The following HECTD4 variants were observed in gnomAD, a reference collection of about 807,000 sequenced individuals.
HECTD4 encodes the protein HECT domain E3 ubiquitin protein ligase 4.
HECTD4 carries 114 observed loss-of-function variants against 471.5 expected under a neutral mutation model. The observed-to-expected ratio is 0.24, with a 90% CI of 0.21 to 0.28. The LOEUF (loss-of-function observed/expected upper bound fraction) is 0.28. HECTD4 is among the 10% of genes least tolerant of loss of function. The pLI, the probability that HECTD4 is intolerant of heterozygous loss-of-function variation, is 1.00. For missense variants in HECTD4, 3,866 were observed against 5,651.5 expected (o/e 0.68, Z 10.13); for synonymous variants, 2,012 against 2,256.0 (o/e 0.89, Z 3.07).
chr12:112,323,919 A>C (rs1424360653), intron 1 of HECTD4, among the ~76,000 whole-genome samples: 1 of 150,752 alleles, frequency 6.6e-6, no homozygotes, highest in Non-Finnish European at 1.5e-5. Flanking sequence ...ATTAAAAATA[A>C]AAATTAGAGG....
At chr12:112,366,604 A>G (rs2036564969) in intron 1 of HECTD4, among the ~76,000 whole-genome samples, 1 of 151,912 alleles carries the variant, frequency 6.6e-6, no homozygotes, top group East Asian at 1.9e-4. Flanking sequence ...AAAAAAGAAG[A>G]AGAAAAAAAA....
At chr12:112,250,915 A>G (rs1425991243) in intron 24 of HECTD4, 56 bp downstream of exon 24, 6 of 1,503,402 alleles carry the variant, frequency 4.0e-6, no homozygotes, top group Non-Finnish European at 4.5e-6. Context: ...ATTTTTCCAC[A>G]TAAAGTCCTT....
intron 19 of HECTD4, chr12:112,258,830 T>C (rs1420828429): frequency 9.0e-6 from 5 of 556,700 alleles, no homozygotes; most frequent in Admixed American, 7.4e-5. Context: ...GGAGACAAAC[T>C]ATAATGGTAG....
In HECTD4 at chr12:112,283,129, T is replaced by A. The variant is rs2034678142; in HGVS notation, c.1509A>T (p.Thr503=). The stretch of plus-strand genomic sequence containing the variant: ...ACATACCTGCTTGATCCTCTTTCAG[T>A]GTGTTGGAGATGGTGGAACCAGTCA... ...AALTGSTISN[T]LKEDQAANTS... Residue 503 remains threonine (T), a synonymous_variant, in exon 8 of 76, where the codon ACA becomes ACT. Transcript: ENST00000682272. 6.2e-7 allele frequency: 1 copy of A among 1,612,610 alleles called. No homozygotes were observed. The highest frequency in any genetic ancestry group is 8.5e-7 in the Non-Finnish European group (1 of 1,179,394).
At position 112,266,409 on chromosome 12, in the gene HECTD4, T is replaced by A. The variant is rs572881417; in HGVS notation, c.2393-426A>T. Among the ~76,000 whole-genome samples the A allele has an allele frequency of 2.0e-5, 3 of 152,376 alleles. No individual in the cohort carries two copies. In the East Asian group the frequency reaches 5.8e-4, roughly 29 times the overall value. On this transcript the variant is annotated intron_variant, in intron 14 of 75. Transcript: ENST00000682272. ...CTAAGCAGTGGAGACAGAAAGTTTA[T>A]AAAGCTTGCAGATATATAAAACATG...
At position 112,228,618 on chromosome 12, in the gene HECTD4, T is replaced by C. The variant is rs755994417; in HGVS notation, c.6684+29A>G. ...ACAGTACAGTTACCATTGGCAGACA[T>C]TTTACAAAGCATTTAAAAATCACCT... On this transcript the variant is annotated intron_variant, in intron 42 of 75. Transcript: ENST00000682272. The surrounding 1 kb of genome is among the most constrained non-coding windows in gnomAD (Gnocchi z 4.9). The C allele has an allele frequency of 6.3e-7, 1 of 1,585,218 alleles. No homozygotes were observed. Among genetic ancestry groups the C allele is most frequent in the Non-Finnish European group, 8.6e-7 (1 of 1,167,102 alleles).
chr12:112,336,092 A>G (rs1436035502), intron 1 of HECTD4, among the ~76,000 whole-genome samples: 3 of 152,208 alleles, frequency 2.0e-5, no homozygotes, highest in Non-Finnish European at 4.4e-5. Context: ...ATAGTGAACA[A>G]AGAAAAAATA....
intron 1 of HECTD4, among the ~76,000 whole-genome samples, chr12:112,372,912 G>A (rs528340708): frequency 8.6e-5 from 13 of 151,768 alleles, no homozygotes; most frequent in Admixed American, 3.3e-4. Flanking sequence ...ATGCCACCAC[G>A]CCCAGCTAAT....
chr12:112,282,805 GTT>G (rs1476722121), intron 8 of HECTD4, among the ~76,000 whole-genome samples: 4 of 152,148 alleles, frequency 2.6e-5, no homozygotes, highest in Non-Finnish European at 5.9e-5. Flanking sequence ...TAAGTATCAG[GTT>G]TTCTCATTCA....
At chr12:112,355,286 TC>T (rs1566122241) in intron 1 of HECTD4, among the ~76,000 whole-genome samples, 1 of 15,810 alleles carries the variant, frequency 6.3e-5, no homozygotes, top group Non-Finnish European at 1.1e-4. Flanking sequence ...CAAATGGGAT[TC>T]AAAAAAAAAA....
In HECTD4 at chr12:112,279,315, C is replaced by A. The variant is rs779245658; in HGVS notation, c.1600G>T (p.Val534Leu). Residue 534 changes from valine to leucine, a missense_variant, in exon 9 of 76, where the codon GTG (valine) becomes TTG (leucine). Around this residue, in one of 16 missense-constraint regions of HECTD4, gnomAD observed 525 missense variants for 672.6 expected, o/e 0.78. Coordinates refer to ENST00000682272, the MANE Select transcript of HECTD4 (RefSeq NM_001388303.1). ...TPIYTCGTYL[V>L]MLVPPPGGSG... ...CCCCCTGGAGGAGGCACCAGCATCACCAAGTAGGTGCCACAGGTATATATG... is the reference window on the plus strand; with the variant it reads ...CCCCCTGGAGGAGGCACCAGCATCAACAAGTAGGTGCCACAGGTATATATG... 2 of 1,612,936 alleles carry A rather than the reference C, an allele frequency of 1.2e-6. No individual in the cohort carries two copies. The highest frequency in any genetic ancestry group is 1.3e-5 in the African/African-American group (1 of 74,904).
In HECTD4 at chr12:112,235,543, A is replaced by C. The variant is rs372661599; in HGVS notation, c.5686T>G (p.Ser1896Ala). ...DPSDPASKIA[S>A]LLLAKLADYV... Reference sequence around the variant, plus strand: ...TCTGCCAGCTTTGCTAAGAGCAGGGAGGCGATCTTGGAAGCTGGGTCGCTG... The same window carrying C: ...TCTGCCAGCTTTGCTAAGAGCAGGGCGGCGATCTTGGAAGCTGGGTCGCTG... Residue 1896 changes from serine (S) to alanine (A), a missense_variant, in exon 36 of 76, where the codon TCC becomes GCC. Coordinates refer to ENST00000682272, the MANE Select transcript of HECTD4 (RefSeq NM_001388303.1). The surrounding 1 kb of genome is among the most constrained non-coding windows in gnomAD (Gnocchi z 5.0). 1.9e-6 allele frequency: 3 copies of C among 1,613,576 alleles called. No individual in the cohort carries two copies. The African/African-American group carries it at 4.0e-5, about 22-fold the overall frequency.
At chr12:112,354,732 A>G (rs1305927743) in intron 1 of HECTD4, among the ~76,000 whole-genome samples, 2 of 152,098 alleles carry the variant, frequency 1.3e-5, no homozygotes, top group East Asian at 3.9e-4. Flanking sequence ...ACAAACACAC[A>G]TACACACAGC....
Position 112,172,837 on chromosome 12 carries a change from A to G in HECTD4, c.11619T>C (p.His3873=), listed in dbSNP as rs115537934. 6.8e-4 allele frequency: 1,095 copies of G among 1,613,950 alleles called. 8 individuals carry two copies. The African/African-American group carries it at 0.013, about 20-fold the overall frequency. Residue 3873 remains histidine, a synonymous_variant, in exon 67 of 76, where the codon CAT becomes CAC. Transcript: ENST00000682272. The stretch of plus-strand genomic sequence containing the variant: ...TCCACTTTCTTGAGGCCTTCTGTGC[A>G]TGTCGGACATCGATGCATGCGCACC... The part of the protein sequence containing the change: ...FERCACIDVR[H]AQKASRKWTL...
chr12:112,313,043 T>C lies in HECTD4; in HGVS notation c.890A>G (p.Asn297Ser). 6.5e-7 allele frequency: 1 copy of C among 1,535,766 alleles called. No homozygotes were observed. Residue 297 changes from asparagine to serine, a missense_variant, in exon 4 of 76, where the codon AAC (asparagine) becomes AGC (serine). Asn to Ser is a conservative substitution (Grantham distance 46, BLOSUM62 1). Transcript: ENST00000682272. ...TTTATTTTCAGAACTGGAGCCAGTG[T>C]TGCTATCCGGCGCAGGCAACATGTC... ...YEDMLPAPDS[N>S]TGSSSENKDA...
At chr12:112,174,898 T>C (rs568934331) in intron 66 of HECTD4, among the ~76,000 whole-genome samples, 1 of 152,230 alleles carries the variant, frequency 6.6e-6, no homozygotes, top group South Asian at 2.1e-4. Flanking sequence ...TGGACAAGGC[T>C]GAGTAGGGGC....
At position 112,239,288 on chromosome 12, in the gene HECTD4, G is replaced by A; in HGVS notation, c.5106-52C>T. ...GATAAACGTAACTGACCGACACTCA[G>A]GAAACTCTCATGTGAGGTTCAAAGG... On this transcript the variant is annotated intron_variant, in intron 33 of 75. Transcript: ENST00000682272. The surrounding 1 kb of genome is among the most constrained non-coding windows in gnomAD (Gnocchi z 4.9). 1 of 1,506,508 alleles carries A rather than the reference G, an allele frequency of 6.6e-7. No individual in the cohort carries two copies. The highest frequency in any genetic ancestry group is 8.9e-7 in the Non-Finnish European group (1 of 1,117,832). The allele number at this position is 1,506,508 out of a possible 1,614,324, so 93.3% of individuals were successfully genotyped here.
At chr12:112,198,763 C>T (rs986674785) in intron 55 of HECTD4, among the ~76,000 whole-genome samples, 4 of 152,298 alleles carry the variant, frequency 2.6e-5, no homozygotes, top group African/African-American at 9.6e-5. Context: ...GTCAACAAAA[C>T]CCTATCCTTG....
rs373182562 is a variant in HECTD4, at chr12:112,194,444, C to G, written c.8749+441G>C. ...TCATCACCTGGCATTCACTGGGGATCAGACACAGCCCTCATGCCAAGGGCA... is the reference window on the plus strand; with the variant it reads ...TCATCACCTGGCATTCACTGGGGATGAGACACAGCCCTCATGCCAAGGGCA... On this transcript the variant is annotated intron_variant, in intron 56 of 75. Coordinates refer to ENST00000682272, the MANE Select transcript of HECTD4 (RefSeq NM_001388303.1). The surrounding 1 kb of genome is among the most constrained non-coding windows in gnomAD (Gnocchi z 4.6). Among the ~76,000 whole-genome samples, 2 of 152,222 alleles carry G rather than the reference C, an allele frequency of 1.3e-5. No individual in the cohort carries two copies. Among genetic ancestry groups the G allele is most frequent in the Admixed American group, 1.3e-4 (2 of 15,282 alleles).
Sources: gnomAD v4.1 joint callset for allele counts (sites outside exome capture counted in the v4.1 genomes callset) on GRCh38, gnomAD v4.1.1 for gene constraint, gnomAD v4.1.1 regional missense constraint, Gnocchi (gnomAD v3.1) non-coding constraint, MANE v1.5 for transcripts, NCBI Gene and HGNC (gene_info 2026-07-23, HGNC 2026-07-21) for gene names.